Variants in EPRS1 observed in about 807,000 individuals in gnomAD.
The protein encoded by EPRS1 is bifunctional glutamate/proline--tRNA ligase.
A neutral mutation model predicts 188.3 loss-of-function variants in EPRS1; 107 were observed. That is an observed-to-expected ratio of 0.57 (90% CI 0.49 to 0.67). The LOEUF (loss-of-function observed/expected upper bound fraction) is 0.67. EPRS1 is among the 30% of genes least tolerant of loss of function. EPRS1 has a pLI of 0.00. For missense variants in EPRS1, 1,577 were observed against 1,802.2 expected (o/e 0.88, Z 2.26); for synonymous variants, 596 against 593.1 (o/e 1.00, Z -0.07).
At chr1:219,992,791 G>A (rs953451877) in intron 18 of EPRS1, among the ~76,000 whole-genome samples, 6 of 152,148 alleles carry the variant, frequency 3.9e-5, no homozygotes, top group African/African-American at 7.2e-5. Flanking sequence ...GCCAGGTGTC[G>A]TGGCACGCGC....
At chr1:220,040,127 A>G (rs1057316278) in intron 2 of EPRS1, 58 bp downstream of exon 2, 21 of 1,141,486 alleles carry the variant, frequency 1.8e-5, no homozygotes, top group South Asian at 2.7e-5. Context: ...CTCTAAAAAA[A>G]CTCTAAAAAA....
chr1:219,999,065 A>C (rs1661293042), intron 17 of EPRS1, among the ~76,000 whole-genome samples: 1 of 152,124 alleles, frequency 6.6e-6, no homozygotes, highest in South Asian at 2.1e-4. Flanking sequence ...TCTGAAGAAA[A>C]ACCCAAAAAC....
intron 28 of EPRS1, among the ~76,000 whole-genome samples, chr1:219,978,286 T>A (rs1277372982): frequency 1.3e-5 from 2 of 152,164 alleles, no homozygotes; most frequent in Non-Finnish European, 2.9e-5. Flanking sequence ...GTGAGGGTAA[T>A]CATAAACAAG....
chr1:219,992,797 C>T lies in EPRS1; in HGVS notation c.2542-3974G>A, dbSNP rs193047175. ...ACAAAATTAGCCAGGTGTCGTGGCA[C>T]GCGCCTGTAATCCCAGCTACTTGGG... is the stretch of plus-strand genomic sequence containing the variant. On this transcript the variant is annotated intron_variant, in intron 18 of 31. Coordinates refer to ENST00000366923, the MANE Select transcript of EPRS1 (RefSeq NM_004446.3). Among the ~76,000 whole-genome samples, 10 of 152,212 alleles carry T rather than the reference C, an allele frequency of 6.6e-5. No individual in the cohort carries two copies. In the East Asian group the frequency reaches 7.7e-4, roughly 12 times the overall value.
In EPRS1 at chr1:220,010,956, T is replaced by C. The variant is rs1661593723; in HGVS notation, c.1595A>G (p.Lys532Arg). 6.2e-7 allele frequency: 1 copy of C among 1,600,058 alleles called. No homozygotes were observed. The highest frequency in any genetic ancestry group is 8.6e-7 in the Non-Finnish European group (1 of 1,167,292). Reference sequence around the variant, plus strand: ...AACTGTAAGAGTGACCTTTGGGTGTTTGGCTACTTCTTTCATCTCCTCCTG... The same window carrying C: ...AACTGTAAGAGTGACCTTTGGGTGTCTGGCTACTTCTTTCATCTCCTCCTG... ...EAQEEMKEVA[K>R]HPKNPEVGLK... Residue 532 changes from lysine (K) to arginine (R), a missense_variant, in exon 13 of 32, where the codon AAA becomes AGA. Lys to Arg is a conservative substitution (Grantham distance 26). Coordinates refer to ENST00000366923, the MANE Select transcript of EPRS1 (RefSeq NM_004446.3).
chr1:220,037,713 T>C (rs1349219838), intron 2 of EPRS1, among the ~76,000 whole-genome samples: 3 of 151,770 alleles, frequency 2.0e-5, no homozygotes, highest in Admixed American at 6.6e-5. Context: ...AGATGAAAAA[T>C]AGACCCAAAC....
intron 28 of EPRS1, among the ~76,000 whole-genome samples, chr1:219,975,169 C>T (rs1167246580): frequency 1.3e-5 from 2 of 152,142 alleles, no homozygotes; most frequent in Non-Finnish European, 2.9e-5. Context: ...TGGTAGCCCA[C>T]AGCAGGGTGT....
chr1:220,022,477 CT>C lies in EPRS1; in HGVS notation c.984del (p.Ser330AlafsTer15). The C allele has an allele frequency of 6.2e-7, 1 of 1,613,686 alleles. No homozygotes were observed. Among genetic ancestry groups the C allele is most frequent in the Non-Finnish European group, 8.5e-7 (1 of 1,179,842 alleles). ...CAACAGGACTGACCAAACTGGCTCC[CT>C]TTTTTCATTTCTTCCCACATTTGTA... ...KNLQMWEEMK[K>X]GSQFGQSCCL... is the part of the protein sequence containing the mutation. On this transcript the variant is annotated frameshift_variant, in exon 9 of 32. Transcript: ENST00000366923. LOFTEE classifies it high-confidence loss of function.
chr1:220,039,804 C>T (rs1662258801), intron 2 of EPRS1, among the ~76,000 whole-genome samples: 1 of 152,168 alleles, frequency 6.6e-6, no homozygotes, highest in Non-Finnish European at 1.5e-5. Context: ...AGGTGTGAGC[C>T]ACCGCGCCCG....
intron 6 of EPRS1, among the ~76,000 whole-genome samples, chr1:220,029,839 C>A (rs1331626699): frequency 6.6e-6 from 1 of 152,160 alleles, no homozygotes; most frequent in Non-Finnish European, 1.5e-5. Flanking sequence ...CTGGTGATCA[C>A]CATACAGAAC....
In EPRS1 at chr1:219,980,848, A is replaced by G; in HGVS notation, c.3463T>C (p.Phe1155Leu). The G allele has an allele frequency of 6.2e-7, 1 of 1,610,874 alleles. No individual in the cohort carries two copies. Among genetic ancestry groups the G allele is most frequent in the Non-Finnish European group, 8.5e-7 (1 of 1,177,962 alleles). Residue 1155 changes from phenylalanine (F) to leucine (L), a missense_variant, in exon 25 of 32, where the codon TTC becomes CTC. Coordinates refer to ENST00000366923, the MANE Select transcript of EPRS1 (RefSeq NM_004446.3). Reference sequence around the variant, plus strand: ...CGTAGGAAAGGCTGAGGATGCTTGAATTCCCAACGCTGGAAGAGGCAAGAA... The same window carrying G: ...CGTAGGAAAGGCTGAGGATGCTTGAGTTCCCAACGCTGGAAGAGGCAAGAA... Reference protein sequence around the residue: ...NQWCNVVRWEFKHPQPFLRTR... With the variant: ...NQWCNVVRWELKHPQPFLRTR...
In EPRS1 at chr1:219,998,904, T is replaced by C. The variant is rs149207597; in HGVS notation, c.2182-1562A>G. 2.8e-3 allele frequency among the ~76,000 whole-genome samples: 348 copies of C among 126,008 alleles called. 1 individual carries two copies. The highest frequency in any genetic ancestry group is 4.3e-3 in the Non-Finnish European group (262 of 61,064). 82.7% of individuals were successfully genotyped at this position (126,008 alleles called of 152,430 possible). ...TTCATGGTTAGTAAACAGGGGAACA[T>C]ATGAGTGTAACACCAAAAAAAAAAA... On this transcript the variant is annotated intron_variant, in intron 17 of 31. Transcript: ENST00000366923.
At chr1:220,008,326 T>C (rs147764777) in intron 13 of EPRS1, among the ~76,000 whole-genome samples, 37 of 151,772 alleles carry the variant, frequency 2.4e-4, no homozygotes, top group Middle Eastern at 3.4e-3. Flanking sequence ...GCCTTTCTAG[T>C]GTGTATGATA....
chr1:219,987,432 G>C, intron 19 of EPRS1, 28 bp from the exon 20 acceptor site: 2 of 1,558,882 alleles, frequency 1.3e-6, no homozygotes, highest in Non-Finnish European at 1.7e-6. Context: ...AGGAAAAAGA[G>C]AAGACAGTAT....
intron 9 of EPRS1, among the ~76,000 whole-genome samples, chr1:220,021,384 A>G (rs1379010739): frequency 6.6e-6 from 1 of 151,662 alleles, no homozygotes; most frequent in Non-Finnish European, 1.5e-5. Context: ...TTTTTGGTAG[A>G]GACAGGTTCT....
In EPRS1 at chr1:219,997,351, A is replaced by G. The variant is rs767330435; in HGVS notation, c.2182-9T>C. 7 of 1,539,734 alleles carry G rather than the reference A, an allele frequency of 4.5e-6. No individual in the cohort carries two copies. In the East Asian group the frequency reaches 1.6e-4, roughly 35 times the overall value. On this transcript the variant is annotated splice_polypyrimidine_tract_variant and intron_variant, in intron 17 of 31. Transcript: ENST00000366923. Reference sequence around the variant, plus strand: ...TTAAAAGGAGCAGAGGTCTACCAAGAGAGAAAACCAAAAGTAAAATAATTA... The same window carrying G: ...TTAAAAGGAGCAGAGGTCTACCAAGGGAGAAAACCAAAAGTAAAATAATTA...
chr1:220,000,989 A>G, intron 17 of EPRS1, 149 bp downstream of exon 17: 2 of 633,074 alleles, frequency 3.2e-6, no homozygotes. Context: ...TCTTACATGA[A>G]AGGATAACAA....
intron 5 of EPRS1, among the ~76,000 whole-genome samples, chr1:220,031,741 A>G (rs1662087429): frequency 6.6e-6 from 1 of 152,336 alleles, no homozygotes; most frequent in Admixed American, 6.5e-5. Flanking sequence ...TACAGAACCA[A>G]TGAAAAAGTG....
chr1:220,015,697 T>A (rs1661688999), intron 12 of EPRS1, among the ~76,000 whole-genome samples: 1 of 151,808 alleles, frequency 6.6e-6, no homozygotes, highest in Non-Finnish European at 1.5e-5. Context: ...AGATACAAGG[T>A]TTCAAAATTT....
Sources: gnomAD v4.1 joint callset for allele counts (sites outside exome capture counted in the v4.1 genomes callset) on GRCh38, gnomAD v4.1.1 for gene constraint, MANE v1.5 for transcripts, NCBI Gene and HGNC (gene_info 2026-07-23, HGNC 2026-07-21) for gene names.